ZNF138: variants seen among roughly 807,000 people sequenced by gnomAD.
The protein encoded by ZNF138 is zinc finger protein 138, also known as zinc finger protein 138 (clone pHZ-32).
ZNF138 carries 33 observed loss-of-function variants against 33.0 expected under a neutral mutation model. The observed-to-expected ratio is 1.00, with a 90% CI of 0.76 to 1.34. The LOEUF (loss-of-function observed/expected upper bound fraction) is 1.34. Ranked by LOEUF, ZNF138 falls within the 40% of genes most tolerant of loss-of-function variation. The probability of loss-of-function intolerance (pLI) is 0.00; values close to 1 mark genes in which losing one functional copy is unlikely to be tolerated. For synonymous variants in ZNF138, 139 were observed against 120.4 expected, an observed-to-expected ratio of 1.15 and a Z score of -1.01; for missense variants, 360 against 370.8, an observed-to-expected ratio of 0.97 and a Z score of 0.24.
In ZNF138 at chr7:64,831,697, C is replaced by T. The variant is rs1203560071; in HGVS notation, c.455C>T (p.Ser152Leu). 43 of 1,606,980 alleles carry T rather than the reference C, an allele frequency of 2.7e-5. No homozygotes were observed. Among genetic ancestry groups the T allele is most frequent in the Non-Finnish European group, 3.7e-5 (43 of 1,177,788 alleles). Residue 152 changes from serine (S) to leucine (L), a missense_variant, in exon 4 of 4, where the codon TCA becomes TTA. By Grantham distance (145) the Ser-to-Leu change is moderately radical. Coordinates refer to ENST00000307355, the MANE Select transcript of ZNF138 (RefSeq NM_001271639.2). ...NKYVKVMHKF[S>L]NSNRHKIRHT... ...TATGTAAAAGTCATGCATAAATTTT[C>T]AAATTCAAATAGACACAAGATAAGA...
chr7:64,837,043 A>G (rs2129018371), downstream of ZNF138, among the ~76,000 whole-genome samples: 1 of 152,360 alleles, frequency 6.6e-6, no homozygotes, highest in Admixed American at 6.5e-5. Context: ...GAAAGGTGTT[A>G]GCAAAAGTAG....
the ZNF138 span, among the ~76,000 whole-genome samples, chr7:64,839,536 T>C: frequency 6.6e-6 from 1 of 151,970 alleles, no homozygotes; most frequent in Non-Finnish European, 1.5e-5. Context: ...TGGCCTTCCC[T>C]TGAGGAAGGA....
chr7:64,813,935 A>T, intron 1 of ZNF138: 1 of 754,894 alleles, frequency 1.3e-6, no homozygotes, highest in Non-Finnish European at 1.7e-6. Context: ...CTGCATTATT[A>T]AGTATCTTTA....
rs991495864 is a variant in ZNF138, at chr7:64,813,441, T to G, written c.4-1477T>G. Among the ~76,000 whole-genome samples the G allele has an allele frequency of 9.9e-5, 15 of 151,954 alleles. No individual in the cohort carries two copies. In the South Asian group the frequency reaches 1.0e-3, roughly 11 times the overall value. On this transcript the variant is annotated intron_variant, in intron 1 of 3. Transcript: ENST00000307355. ...TTAAAGTTTGCATAAAAATGATTTT[T>G]TTTTTTTTTTTTAATGGAGTCTCGC...
At position 64,832,400 on chromosome 7, in the gene ZNF138, TG is replaced by T; in HGVS notation, c.*200del. The T allele has an allele frequency of 1.3e-6, 2 of 1,520,276 alleles. No individual in the cohort carries two copies. The highest frequency in any genetic ancestry group is 1.8e-6 in the Non-Finnish European group (2 of 1,138,582). 94.2% of individuals were successfully genotyped at this position (1,520,276 alleles called of 1,614,324 possible). A position where few individuals can be genotyped will look rare whatever the true frequency, so the allele number is the denominator to read the frequency against. Reference sequence around the variant, plus strand: ...TCACTGAACATAAGTTAATTCATACTGGAGAAAAACCCTACAAATGTAAAGA... The same window carrying T: ...TCACTGAACATAAGTTAATTCATACTGAGAAAAACCCTACAAATGTAAAGA... On this transcript the variant is annotated 3_prime_UTR_variant, in exon 4 of 4. Coordinates refer to ENST00000307355, the MANE Select transcript of ZNF138 (RefSeq NM_001271639.2).
chr7:64,805,272 G>A (rs75209203), intron 1 of ZNF138, among the ~76,000 whole-genome samples: 7,169 of 152,072 alleles, frequency 0.047, 216 homozygotes, highest in East Asian at 0.14. Flanking sequence ...GGTGGCAGGT[G>A]CCTGTAATCT....
intron 3 of ZNF138, among the ~76,000 whole-genome samples, chr7:64,817,506 C>G (rs1788752224): frequency 6.6e-6 from 1 of 152,190 alleles, no homozygotes; most frequent in Non-Finnish European, 1.5e-5. Flanking sequence ...TCTCAGAGCT[C>G]TCTTAAAAAC....
At chr7:64,846,019 G>A in the ZNF138 span, among the ~76,000 whole-genome samples, 1 of 152,150 alleles carries the variant, frequency 6.6e-6, no homozygotes, top group Non-Finnish European at 1.5e-5. Context: ...TGAATAGGTT[G>A]TCCTTTTCCC....
intron 1 of ZNF138, among the ~76,000 whole-genome samples, chr7:64,808,566 C>A (rs535998513): frequency 1.4e-5 from 2 of 138,628 alleles, no homozygotes; most frequent in South Asian, 5.0e-4. Context: ...ACAACAGTTG[C>A]TATTAGTATT....
intron 3 of ZNF138, among the ~76,000 whole-genome samples, chr7:64,819,757 C>A (rs1356874799): frequency 6.6e-6 from 1 of 151,232 alleles, no homozygotes; most frequent in African/African-American, 2.4e-5. Flanking sequence ...TAAAATTTAC[C>A]ATCTTAAATC....
intron 3 of ZNF138, among the ~76,000 whole-genome samples, chr7:64,827,853 AC>A (rs377242042): frequency 1.6e-3 from 248 of 152,244 alleles, no homozygotes; most frequent in African/African-American, 5.7e-3. Context: ...ATGCCACCTC[AC>A]ACCAATCAGT....
intron 1 of ZNF138, among the ~76,000 whole-genome samples, chr7:64,806,222 C>T (rs1292355121): frequency 6.6e-6 from 1 of 152,142 alleles, no homozygotes; most frequent in Admixed American, 6.5e-5. Context: ...GCATGCTGTC[C>T]CCTAAATATG....
At position 64,804,367 on chromosome 7, in the gene ZNF138, T is replaced by C. The variant is rs542671301; in HGVS notation, c.3+9796T>C. 2.3e-3 allele frequency among the ~76,000 whole-genome samples: 350 copies of C among 152,246 alleles called. 1 individual carries two copies. The highest frequency in any genetic ancestry group is 3.9e-3 in the Non-Finnish European group (263 of 68,012). ...CTGCTTGCTCAATTGATCACAGCCTTCTCATGTGGACCCCCTTGGAGTTGT... is the reference window on the plus strand; with the variant it reads ...CTGCTTGCTCAATTGATCACAGCCTCCTCATGTGGACCCCCTTGGAGTTGT... On this transcript the variant is annotated intron_variant, in intron 1 of 3. Transcript: ENST00000307355.
chr7:64,843,830 TA>T, the ZNF138 span, among the ~76,000 whole-genome samples: 2 of 119,770 alleles, frequency 1.7e-5, no homozygotes, highest in Admixed American at 9.2e-5. Flanking sequence ...TTATTTTTTT[TA>T]TTTTTTTGTT....
intron 3 of ZNF138, among the ~76,000 whole-genome samples, chr7:64,817,503 G>C (rs556099552): frequency 6.6e-5 from 10 of 152,158 alleles, no homozygotes; most frequent in South Asian, 2.1e-4. Context: ...GGATCTCAGA[G>C]CTCTCTTAAA....
At chr7:64,830,310 TCA>T (rs1338467865) in intron 3 of ZNF138, among the ~76,000 whole-genome samples, 1 of 152,176 alleles carries the variant, frequency 6.6e-6, no homozygotes, top group African/African-American at 2.4e-5. Flanking sequence ...TTACAGTATT[TCA>T]GTTATTTTTT....
At chr7:64,858,958 A>G in the ZNF138 span, among the ~76,000 whole-genome samples, 1 of 150,930 alleles carries the variant, frequency 6.6e-6, no homozygotes, top group African/African-American at 2.4e-5. Context: ...TCATTTTTTT[A>G]TATCTTCTTT....
chr7:64,834,049 AAG>A (rs1298979233), downstream of ZNF138, among the ~76,000 whole-genome samples: 7 of 152,332 alleles, frequency 4.6e-5, no homozygotes, highest in East Asian at 3.9e-4. Context: ...AAAGTAAAAA[AAG>A]AGTTTTTATT....
the ZNF138 span, among the ~76,000 whole-genome samples, chr7:64,839,228 T>C: frequency 4.6e-5 from 7 of 152,336 alleles, no homozygotes; most frequent in African/African-American, 1.7e-4. Context: ...GCCAGGCAAC[T>C]GTGCAGAAGA....
Sources: allele counts gnomAD v4.1 joint callset (sites outside exome capture counted in the v4.1 genomes callset), GRCh38; gene constraint gnomAD v4.1.1; transcripts MANE v1.5; gene names NCBI Gene and HGNC (gene_info 2026-07-23, HGNC 2026-07-21).